The following CPZ variants were observed in gnomAD, a reference collection of about 807,000 sequenced individuals.
CPZ encodes carboxypeptidase Z.
Under a neutral mutation model 61.8 loss-of-function variants are expected in CPZ, and 103 were observed. The observed-to-expected ratio is 1.67, with a 90% confidence interval of 1.42 to 1.96. The LOEUF (loss-of-function observed/expected upper bound fraction) is 1.96, where lower values mean the gene tolerates loss of function less well. Among genes scored for constraint, CPZ ranks in the 30% most tolerant of loss-of-function variants. The probability of loss-of-function intolerance (pLI) is 0.00; values close to 1 mark genes in which losing one functional copy is unlikely to be tolerated. For synonymous variants in CPZ, 551 were observed against 373.7 expected (o/e 1.47, Z -5.47); for missense variants, 1,461 against 914.9 (o/e 1.60, Z -7.70).
rs140991725 is a variant in CPZ, at chr4:8,619,466, C to T, written c.1808C>T (p.Pro603Leu). ...HGLRRTGPHDPLGGASSLGEA... is the reference protein window; with the variant it reads ...HGLRRTGPHDLLGGASSLGEA... ...CTGCGGAGGACTGGGCCCCACGACC[C>T]ACTGGGAGGTGCCAGCTCTTTGGGG... Residue 603 changes from proline to leucine, a missense_variant, in exon 11 of 11, where the codon CCA (proline) becomes CTA (leucine). Transcript: ENST00000360986. The T allele has an allele frequency of 2.0e-4, 321 of 1,611,336 alleles. No individual in the cohort carries two copies. Among genetic ancestry groups the T allele is most frequent in the Admixed American group, 6.2e-4 (37 of 59,782 alleles).
chr4:8,614,984 A>G (rs1023468090), intron 9 of CPZ, among the ~76,000 whole-genome samples: 30 of 151,780 alleles, frequency 2.0e-4, no homozygotes, highest in Admixed American at 1.5e-3. Context: ...TGTGGTGAGG[A>G]CTCGAGCCGT....
rs563199677 is a variant in CPZ, at chr4:8,619,321, G to C, written c.1663G>C (p.Ala555Pro). ...PPGIHIVIAQ[A>P]PGYAKVIKKV... The stretch of plus-strand genomic sequence containing the variant: ...AGGTATCCACATTGTCATTGCCCAA[G>C]CCCCTGGCTACGCCAAAGTCATCAA... The change falls in exon 11 of 11, where the codon GCC (alanine) becomes CCC (proline). Residue 555 changes from alanine (A) to proline (P), a missense_variant. Ala to Pro is a conservative substitution (Grantham distance 27). Transcript: ENST00000360986. The C allele has an allele frequency of 4.3e-6, 7 of 1,614,058 alleles. No homozygotes were observed. The East Asian group carries it at 1.6e-4, about 36-fold the overall frequency.
At chr4:8,604,462 G>C (rs1714796024) in intron 4 of CPZ, among the ~76,000 whole-genome samples, 1 of 152,240 alleles carries the variant, frequency 6.6e-6, no homozygotes, top group Non-Finnish European at 1.5e-5. Flanking sequence ...TGGCTGAAAA[G>C]ATATAAAACA....
At chr4:8,612,188 GGCGGGGGGTGGGGGGTGCA>G (rs1384310425) in intron 8 of CPZ, 26 bp downstream of exon 8, 1 of 470,734 alleles carries the variant, frequency 2.1e-6, no homozygotes, top group African/African-American at 2.2e-5. Context: ...GGCGGGACTG[GGCGGGGGGTGGGGGGTGCA>G]GGGGCTGGGT....
In CPZ at chr4:8,609,856, C is replaced by T. The variant is rs371582102; in HGVS notation, c.1228-2171C>T. ...TGGAAACCAGGGTCCCAGGAGAGGC[C>T]TGGGTTTGGCAGGGGAGCATGAGAG... On this transcript the variant is annotated intron_variant, in intron 7 of 10. Transcript: ENST00000360986. 3.2e-3 allele frequency among the ~76,000 whole-genome samples: 495 copies of T among 152,326 alleles called. 3 individuals are homozygous for T. The highest frequency in any genetic ancestry group is 0.023 in the South Asian group (109 of 4,832).
At position 8,606,865 on chromosome 4, in the gene CPZ, C is replaced by T. The variant is rs1421865246; in HGVS notation, c.1035C>T (p.His345=). The part of the protein sequence containing the change: ...LAETRGARSD[H]IPIPQHYWWG... ...AGACCCGCGGCGCACGCAGCGACCA[C>T]ATCCCCATCCCCCAGCACTACTGGT... Residue 345 remains histidine (H), a synonymous_variant, in exon 6 of 11, where the codon CAC becomes CAT. Coordinates refer to ENST00000360986, the MANE Select transcript of CPZ (RefSeq NM_001014447.3). 1.2e-6 allele frequency: 2 copies of T among 1,613,022 alleles called. No individual in the cohort carries two copies. The highest frequency in any genetic ancestry group is 1.7e-5 in the Admixed American group (1 of 59,954).
At chr4:8,618,619 G>A in intron 10 of CPZ, 91 bp downstream of exon 10, 4 of 1,236,170 alleles carry the variant, frequency 3.2e-6, no homozygotes, top group Non-Finnish European at 4.6e-6. Context: ...CTCACAGTGT[G>A]CCCAGCCCTC....
At chr4:8,603,917 G>A in intron 3 of CPZ, 59 bp from the exon 4 acceptor site, 1 of 1,482,978 alleles carries the variant, frequency 6.7e-7, no homozygotes, top group Non-Finnish European at 9.4e-7. Context: ...AGCGTTCCCA[G>A]GCAGTGGTAG....
Position 8,593,776 on chromosome 4 carries a change from C to A in CPZ, c.88+855C>A, listed in dbSNP as rs147331281. The stretch of plus-strand genomic sequence containing the variant: ...GTGGATGTGCCAGGACCACAATACC[C>A]CACCCCAGTGCGCTGTGTCGACACT... On this transcript the variant is annotated intron_variant, in intron 1 of 10. Transcript: ENST00000360986. Among the ~76,000 whole-genome samples the A allele has an allele frequency of 2.7e-3, 418 of 152,280 alleles. 5 individuals carry two copies. The highest frequency in any genetic ancestry group is 9.7e-3 in the African/African-American group (402 of 41,544).
chr4:8,611,290 C>T lies in CPZ; in HGVS notation c.1228-737C>T, dbSNP rs150602598. 146 of 456,212 alleles carry T rather than the reference C, an allele frequency of 3.2e-4. 1 individual carries two copies. Among genetic ancestry groups the T allele is most frequent in the African/African-American group, 1.7e-3 (87 of 50,192 alleles). The allele number at this position is 456,212 out of a possible 1,614,324, so 28.3% of individuals were successfully genotyped here. A position where few individuals can be genotyped will look rare whatever the true frequency, so the allele number is the denominator to read the frequency against. On this transcript the variant is annotated intron_variant, in intron 7 of 10. Transcript: ENST00000360986. Reference sequence around the variant, plus strand: ...CCAAGGTCAGTCTGGGACTTACAGACGGCCCAGAGCCCCCACAAAGGAGGA... The same window carrying T: ...CCAAGGTCAGTCTGGGACTTACAGATGGCCCAGAGCCCCCACAAAGGAGGA...
At chr4:8,599,328 A>T (rs1714402370) in intron 1 of CPZ, 125 bp from the exon 2 acceptor site, 2 of 1,132,782 alleles carry the variant, frequency 1.8e-6, no homozygotes, top group Admixed American at 3.2e-5. Flanking sequence ...AGACTCCATG[A>T]GATGGAGCTG....
intron 7 of CPZ, chr4:8,611,409 C>A (rs1003649643): frequency 2.6e-5 from 11 of 417,066 alleles, no homozygotes; most frequent in African/African-American, 1.8e-4. Flanking sequence ...CCCAGCCACA[C>A]ATCCAAACAT....
At chr4:8,607,799 A>C (rs1577117817) in intron 7 of CPZ, among the ~76,000 whole-genome samples, 1 of 151,802 alleles carries the variant, frequency 6.6e-6, no homozygotes, top group Non-Finnish European at 1.5e-5. Context: ...AGGCGCCGGC[A>C]GAGGGCAGTG....
At chr4:8,595,923 G>A (rs1714141180) in intron 1 of CPZ, among the ~76,000 whole-genome samples, 1 of 152,194 alleles carries the variant, frequency 6.6e-6, no homozygotes, top group African/African-American at 2.4e-5. Context: ...CTCTGGCCAC[G>A]AGCCAAGGAG....
At chr4:8,599,636 G>T in intron 2 of CPZ, 151 bp downstream of exon 2, 1 of 1,459,660 alleles carries the variant, frequency 6.9e-7, no homozygotes, top group East Asian at 2.6e-5. Context: ...CTCGTAAACA[G>T]CCAGAGAAAA....
Position 8,614,479 on chromosome 4 carries a change from T to A in CPZ, c.1484T>A (p.Leu495His). 1 of 1,613,664 alleles carries A rather than the reference T, an allele frequency of 6.2e-7. No homozygotes were observed. The highest frequency in any genetic ancestry group is 8.5e-7 in the Non-Finnish European group (1 of 1,179,804). Residue 495 changes from leucine (L) to histidine (H), a missense_variant, in exon 9 of 11, where the codon CTC (leucine) becomes CAC (histidine). By Grantham distance (99) the Leu-to-His change is moderately conservative. Coordinates refer to ENST00000360986, the MANE Select transcript of CPZ (RefSeq NM_001014447.3). Reference protein sequence around the residue: ...YILWQHNKESLLNFVETVHRG... With the variant: ...YILWQHNKESHLNFVETVHRG... ...CTCTGGCAGCACAACAAGGAGTCAC[T>A]CCTGAATTTCGTGGAGACGGTGAGT...
chr4:8,617,455 T>C (rs1198470110), intron 9 of CPZ, among the ~76,000 whole-genome samples: 1 of 152,208 alleles, frequency 6.6e-6, no homozygotes, highest in Non-Finnish European at 1.5e-5. Context: ...TTTGCTTCTG[T>C]GGACTCCTCC....
chr4:8,601,320 C>T lies in CPZ; in HGVS notation c.319C>T (p.Pro107Ser). 3 of 1,609,626 alleles carry T rather than the reference C, an allele frequency of 1.9e-6. No individual in the cohort carries two copies. Among genetic ancestry groups the T allele is most frequent in the Middle Eastern group, 1.7e-4 (1 of 6,052 alleles). ...GCTGCTGGGCTGTGCTGTGCTGGCC[C>T]CCCGGTGTGAGGGCGGCTGGGTGCG... Reference protein sequence around the residue: ...LRLLGCAVLAPRCEGGWVRRP... With the variant: ...LRLLGCAVLASRCEGGWVRRP... The change falls in exon 3 of 11, where the codon CCC (proline) becomes TCC (serine). Residue 107 changes from proline (P) to serine (S), a missense_variant. Coordinates refer to ENST00000360986, the MANE Select transcript of CPZ (RefSeq NM_001014447.3).
intron 7 of CPZ, among the ~76,000 whole-genome samples, chr4:8,610,431 A>AAGGGCAGGGAGGAGGGACTGT (rs1012429209): frequency 2.0e-5 from 3 of 152,112 alleles, no homozygotes; most frequent in Non-Finnish European, 4.4e-5. Context: ...GCCCCAGGGC[A>AAGGGCAGGGAGGAGGGACTGT]AGGGCAGGGA....
Sources: gnomAD v4.1 joint callset for allele counts (sites outside exome capture counted in the v4.1 genomes callset) on GRCh38, gnomAD v4.1.1 for gene constraint, MANE v1.5 for transcripts, NCBI Gene and HGNC (gene_info 2026-07-23, HGNC 2026-07-21) for gene names.